LMO2: variants seen among roughly 807,000 people sequenced by gnomAD.
The protein encoded by LMO2 is rhombotin-2.
Under a neutral mutation model 23.2 loss-of-function variants are expected in LMO2, and 20 were observed. The ratio of observed to expected loss-of-function variants is 0.86; its 90% CI spans 0.61 to 1.25. LMO2 has a LOEUF of 1.25. Among genes scored for constraint, LMO2 ranks in the 50% most tolerant of loss-of-function variants. The probability of loss-of-function intolerance (pLI) is 0.00; values close to 1 mark genes in which losing one functional copy is unlikely to be tolerated. For synonymous variants in LMO2, 123 were observed against 130.2 expected, an observed-to-expected ratio of 0.94 and a Z score of 0.38; for missense variants, 270 against 315.3, an observed-to-expected ratio of 0.86 and a Z score of 1.09.
chr11:33,868,160 C>T (rs910933725), intron 4 of LMO2, among the ~76,000 whole-genome samples: 1 of 152,128 alleles, frequency 6.6e-6, no homozygotes, highest in Non-Finnish European at 1.5e-5. Flanking sequence ...GGTGGTACTT[C>T]CTGTGTTTTA....
intron 2 of LMO2, among the ~76,000 whole-genome samples, chr11:33,879,691 A>G (rs1476119432): frequency 6.6e-6 from 1 of 152,138 alleles, no homozygotes; most frequent in African/African-American, 2.4e-5. Flanking sequence ...AAAATGGGCA[A>G]AGAACTTGAA....
intron 1 of LMO2, among the ~76,000 whole-genome samples, chr11:33,883,550 G>A (rs1294937664): frequency 6.6e-6 from 1 of 152,182 alleles, no homozygotes; most frequent in Non-Finnish European, 1.5e-5. Flanking sequence ...CAACAGTGAG[G>A]TGCTGATCAA....
At chr11:33,862,297 C>G (rs753173580) in intron 5 of LMO2, among the ~76,000 whole-genome samples, 1 of 152,278 alleles carries the variant, frequency 6.6e-6, no homozygotes, top group South Asian at 2.1e-4. Context: ...GGTTAAGGTC[C>G]GTTGGGGGTC....
chr11:33,887,595 A>G (rs1857443771), intron 1 of LMO2, among the ~76,000 whole-genome samples: 1 of 140,476 alleles, frequency 7.1e-6, no homozygotes, highest in Non-Finnish European at 1.5e-5. Flanking sequence ...CTCAGGCTGG[A>G]GTGCAGTGGT....
At chr11:33,882,664 A>C (rs1857314037) in intron 1 of LMO2, among the ~76,000 whole-genome samples, 1 of 152,234 alleles carries the variant, frequency 6.6e-6, no homozygotes, top group African/African-American at 2.4e-5. Context: ...AATTGTGGCA[A>C]ACAATGCCTA....
chr11:33,880,489 C>G lies in LMO2; in HGVS notation c.-272+1335G>C, dbSNP rs990130829. ...AAACAAATACATAGAGACAGAAAGT[C>G]GAATGGTGGTTGCCAGGAGCTAGGG... is the stretch of plus-strand genomic sequence containing the variant. On this transcript the variant is annotated intron_variant, in intron 2 of 5. Transcript: ENST00000257818. This position sits in a 1 kb window ranked among gnomAD's most constrained non-coding sequence, Gnocchi z 4.3. Among the ~76,000 whole-genome samples the G allele has an allele frequency of 6.6e-6, 1 of 151,930 alleles. No individual in the cohort carries two copies. The highest frequency in any genetic ancestry group is 2.4e-5 in the African/African-American group (1 of 41,354).
intron 5 of LMO2, among the ~76,000 whole-genome samples, chr11:33,861,170 T>C (rs4756071): frequency 0.97 from 147,627 of 152,360 alleles, 71,706 homozygotes; most frequent in East Asian, 1. Context: ...TTCCCAGCTG[T>C]GCCAGTCTTG....
chr11:33,864,798 G>A lies in LMO2; in HGVS notation c.268C>T (p.Leu90=), dbSNP rs1856719857. The A allele has an allele frequency of 1.2e-6, 2 of 1,613,740 alleles. No homozygotes were observed. Among genetic ancestry groups the A allele is most frequent in the Non-Finnish European group, 1.7e-6 (2 of 1,180,008 alleles). Residue 90 remains leucine (L), a synonymous_variant, in exon 5 of 6, where the codon CTG becomes TTG. Transcript: ENST00000257818. The surrounding 1 kb of genome is among the most constrained non-coding windows in gnomAD (Gnocchi z 4.8). ...GTCAGCAGGGATGGGGGGATCTGCA[G>A]CACCTCATCCACTGGTTCCCTGGAG... ...DPSEEPVDEV[L]QIPPSLLTCG...
intron 5 of LMO2, among the ~76,000 whole-genome samples, chr11:33,862,112 G>A (rs879414): frequency 0.18 from 27,996 of 152,182 alleles, 2,821 homozygotes; most frequent in Middle Eastern, 0.27. Context: ...TTATGAATGA[G>A]GCATTCTCAG....
At chr11:33,883,473 C>A (rs1857334018) in intron 1 of LMO2, among the ~76,000 whole-genome samples, 1 of 152,142 alleles carries the variant, frequency 6.6e-6, no homozygotes, top group African/African-American at 2.4e-5. Flanking sequence ...TCACTTCTTT[C>A]CAAGACCTTT....
At chr11:33,887,712 G>A (rs1237040608) in intron 1 of LMO2, among the ~76,000 whole-genome samples, 3 of 151,826 alleles carry the variant, frequency 2.0e-5, no homozygotes, top group Non-Finnish European at 2.9e-5. Context: ...TTTTTGTTTT[G>A]TTCTTTTGTT....
chr11:33,860,977 A>G (rs567030932), intron 5 of LMO2, among the ~76,000 whole-genome samples: 1 of 152,284 alleles, frequency 6.6e-6, no homozygotes, highest in South Asian at 2.1e-4. Flanking sequence ...ACCCAGCTTC[A>G]ATGTCCCGGA....
At chr11:33,879,341 CG>C (rs1473509280) in intron 2 of LMO2, among the ~76,000 whole-genome samples, 1 of 151,756 alleles carries the variant, frequency 6.6e-6, no homozygotes, top group Non-Finnish European at 1.5e-5. Flanking sequence ...ACATATAGGC[CG>C]GGCACTGTGG....
chr11:33,861,216 T>C (rs1464325581), intron 5 of LMO2, among the ~76,000 whole-genome samples: 3 of 152,224 alleles, frequency 2.0e-5, no homozygotes, highest in African/African-American at 7.2e-5. Flanking sequence ...GCTGAAAACA[T>C]AGCATGTTAG....
intron 4 of LMO2, among the ~76,000 whole-genome samples, chr11:33,868,579 C>G (rs967822406): frequency 1.3e-5 from 2 of 152,342 alleles, no homozygotes; most frequent in African/African-American, 2.4e-5. Context: ...GCTCAGAAAA[C>G]AGATGCGGCC....
intron 5 of LMO2, among the ~76,000 whole-genome samples, chr11:33,860,131 C>T (rs180706979): frequency 2.6e-5 from 4 of 152,276 alleles, no homozygotes; most frequent in Admixed American, 6.5e-5. Context: ...CCTGATTATT[C>T]GCTGGGGCCC....
At chr11:33,863,734 C>T (rs78411783) in intron 5 of LMO2, among the ~76,000 whole-genome samples, 4,844 of 152,292 alleles carry the variant, frequency 0.032, 264 homozygotes, top group African/African-American at 0.11. Context: ...TAGGATGGCC[C>T]AGAGCATGGG....
intron 4 of LMO2, among the ~76,000 whole-genome samples, chr11:33,869,049 T>C (rs1856894867): frequency 6.6e-6 from 1 of 152,238 alleles, no homozygotes; most frequent in African/African-American, 2.4e-5. Flanking sequence ...TCCTCGTGCC[T>C]GCTCCCGTGC....
Position 33,859,579 on chromosome 11 carries a change from G to A in LMO2, c.465-4C>T, listed in dbSNP as rs186530564. 107 of 1,613,514 alleles carry A rather than the reference G, an allele frequency of 6.6e-5. No homozygotes were observed. In the African/African-American group the frequency reaches 1.2e-3, roughly 18 times the overall value. ...GAGACCGTCTTGCCCAAAAAGCCTG[G>A]GGCAAAAGAAAGAAAAGCTAAGAAG... On this transcript the variant is annotated splice_polypyrimidine_tract_variant and splice_region_variant and intron_variant, in intron 5 of 5. Transcript: ENST00000257818.
Sources: gnomAD v4.1 joint callset for allele counts (sites outside exome capture counted in the v4.1 genomes callset) on GRCh38, gnomAD v4.1.1 for gene constraint, Gnocchi (gnomAD v3.1) non-coding constraint, MANE v1.5 for transcripts, NCBI Gene and HGNC (gene_info 2026-07-23, HGNC 2026-07-21) for gene names.